THSD7B: variants seen among roughly 807,000 people sequenced by gnomAD.
THSD7B encodes the protein thrombospondin type 1 domain containing 7B, also known as thrombospondin type-1 domain-containing protein 7B.
In THSD7B, 138 loss-of-function variants were observed where a neutral mutation model predicts 213.6. That is an observed-to-expected ratio of 0.65 (90% confidence interval 0.56 to 0.74). The LOEUF is 0.74. THSD7B is among the 30% of genes least tolerant of loss of function. The pLI, the probability that THSD7B is intolerant of heterozygous loss-of-function variation, is 0.00. For missense variants in THSD7B, 1,931 were observed against 1,991.5 expected (o/e 0.97, Z 0.58); for synonymous variants, 742 against 687.0 (o/e 1.08, Z -1.25).
chr2:137,378,959 A>AT (rs1034652969), intron 12 of THSD7B, among the ~76,000 whole-genome samples: 3 of 151,986 alleles, frequency 2.0e-5, no homozygotes, highest in East Asian at 1.9e-4. Context: ...TATTTTATCC[A>AT]TTTTTTTCTG....
intron 1 of THSD7B, among the ~76,000 whole-genome samples, chr2:136,860,853 G>A (rs1434148605): frequency 6.6e-6 from 1 of 152,206 alleles, no homozygotes; most frequent in Non-Finnish European, 1.5e-5. Context: ...GACTGTAAGG[G>A]CCCTGGGCCT....
At chr2:137,557,991 T>C (rs1173391563) in intron 15 of THSD7B, among the ~76,000 whole-genome samples, 8 of 152,050 alleles carry the variant, frequency 5.3e-5, no homozygotes, top group Middle Eastern at 3.4e-3. Context: ...TGGACACATA[T>C]ACCCTCCCAA....
intron 1 of THSD7B, among the ~76,000 whole-genome samples, chr2:136,778,211 A>G (rs1681649887): frequency 6.6e-6 from 1 of 152,148 alleles, no homozygotes; most frequent in South Asian, 2.1e-4. Context: ...TCCTGCTCAA[A>G]TTCTGTCATT....
chr2:137,342,505 A>C (rs760715458), intron 12 of THSD7B, among the ~76,000 whole-genome samples: 2 of 151,424 alleles, frequency 1.3e-5, no homozygotes, highest in Admixed American at 1.3e-4. Flanking sequence ...CCTTTTATTT[A>C]TTTATCTTGC....
At chr2:137,269,054 C>T (rs1048089369) in intron 10 of THSD7B, among the ~76,000 whole-genome samples, 4 of 152,054 alleles carry the variant, frequency 2.6e-5, no homozygotes, top group Non-Finnish European at 4.4e-5. Context: ...CATACACACA[C>T]AAACACACAG....
intron 13 of THSD7B, 71 bp from the exon 14 acceptor site, chr2:137,411,537 AC>A (rs1443078933): frequency 8.0e-6 from 11 of 1,370,244 alleles, no homozygotes; most frequent in Non-Finnish European, 8.0e-6. Context: ...GATTACAAAT[AC>A]AAAAGTGTGA....
intron 1 of THSD7B, among the ~76,000 whole-genome samples, chr2:136,866,040 C>T (rs1558831004): frequency 6.6e-6 from 1 of 152,174 alleles, no homozygotes; most frequent in African/African-American, 2.4e-5. Flanking sequence ...ATGATTTGAT[C>T]AGCTTGGATG....
chr2:136,825,718 A>ATTTTTTTTTTTTTTTTTTTT lies in THSD7B; in HGVS notation c.-35-56410_-35-56409insTTTTTTTTTTTTTTTTTTTT, dbSNP rs55814718. Among the ~76,000 whole-genome samples the ATTTTTTTTTTTTTTTTTTTT allele has an allele frequency of 3.3e-4, 39 of 116,884 alleles. 3 individuals are homozygous for ATTTTTTTTTTTTTTTTTTTT. The highest frequency in any genetic ancestry group is 1.8e-3 in the East Asian group (5 of 2,730). 76.7% of individuals were successfully genotyped at this position (116,884 alleles called of 152,430 possible). ...AGGTGCTCACTGCCATGCCTGGCTA[A>ATTTTTTTTTTTTTTTTTTTT]TTTTTTTTTTTTTTTTAGATCTGGG... On this transcript the variant is annotated intron_variant, in intron 1 of 27. Coordinates refer to ENST00000409968, the MANE Select transcript of THSD7B (RefSeq NM_001316349.2).
intron 2 of THSD7B, among the ~76,000 whole-genome samples, chr2:137,047,897 T>C (rs1423158380): frequency 6.6e-6 from 1 of 152,186 alleles, no homozygotes; most frequent in Non-Finnish European, 1.5e-5. Flanking sequence ...GAAGAAGGTC[T>C]CTACAGTTTT....
rs975835858 is a variant in THSD7B, at chr2:136,866,348, T to G, written c.-35-15796T>G. ...TTGAATTTCTGAGTATTACTTCTTT[T>G]TCCCTAGCTGACAGAGGTCACGTTC... On this transcript the variant is annotated intron_variant, in intron 1 of 27. Coordinates refer to ENST00000409968, the MANE Select transcript of THSD7B (RefSeq NM_001316349.2). Among the ~76,000 whole-genome samples, 3 of 152,326 alleles carry G rather than the reference T, an allele frequency of 2.0e-5. No homozygotes were observed. The East Asian group carries it at 5.8e-4, about 29-fold the overall frequency.
At chr2:137,236,968 A>G (rs968946522) in intron 9 of THSD7B, among the ~76,000 whole-genome samples, 6 of 152,002 alleles carry the variant, frequency 3.9e-5, no homozygotes, top group Non-Finnish European at 8.8e-5. Flanking sequence ...AAAATTAGCC[A>G]GGAGTGGTGG....
chr2:137,231,084 T>C lies in THSD7B; in HGVS notation c.1764T>C (p.Pro588=), dbSNP rs1681628816. ...VSGSLCPVPP[P]PERKSCEIPC... ...GGAGTCTTTGCCCAGTTCCCCCTCC[T>C]CCTGAGAGGAAGTCTTGTGAAATTC... is the stretch of plus-strand genomic sequence containing the variant. The change falls in exon 8 of 28, where the codon CCT becomes CCC. Residue 588 remains proline, a synonymous_variant. Coordinates refer to ENST00000409968, the MANE Select transcript of THSD7B (RefSeq NM_001316349.2). The C allele has an allele frequency of 6.2e-7, 1 of 1,613,746 alleles. No individual in the cohort carries two copies. The highest frequency in any genetic ancestry group is 2.2e-5 in the East Asian group (1 of 44,872).
intron 17 of THSD7B, among the ~76,000 whole-genome samples, chr2:137,592,785 C>A (rs908567776): frequency 6.6e-6 from 1 of 151,888 alleles, no homozygotes; most frequent in African/African-American, 2.4e-5. Flanking sequence ...TCTTATATTT[C>A]TGAATAACCA....
intron 2 of THSD7B, among the ~76,000 whole-genome samples, chr2:136,915,645 G>T (rs1480302982): frequency 6.6e-6 from 1 of 152,162 alleles, no homozygotes; most frequent in Non-Finnish European, 1.5e-5. Context: ...GGTTGGTGCT[G>T]TTAGCATTTC....
chr2:137,466,998 T>C (rs1024540855), intron 15 of THSD7B, among the ~76,000 whole-genome samples: 3 of 152,034 alleles, frequency 2.0e-5, no homozygotes, highest in Non-Finnish European at 2.9e-5. Flanking sequence ...GTTCTGGGAA[T>C]CTTAAGTACA....
chr2:137,118,319 G>A (rs1227213108), intron 5 of THSD7B, among the ~76,000 whole-genome samples: 1 of 152,124 alleles, frequency 6.6e-6, no homozygotes, highest in Non-Finnish European at 1.5e-5. Context: ...TTCTCAGAAA[G>A]TAAAACATGA....
At chr2:137,165,188 G>T (rs1680100991) in intron 6 of THSD7B, among the ~76,000 whole-genome samples, 1 of 152,124 alleles carries the variant, frequency 6.6e-6, no homozygotes, top group Non-Finnish European at 1.5e-5. Flanking sequence ...CCATTCTGTG[G>T]CTGAATGGCT....
chr2:137,466,978 G>C (rs1014440977), intron 15 of THSD7B, among the ~76,000 whole-genome samples: 2 of 152,094 alleles, frequency 1.3e-5, no homozygotes, highest in Non-Finnish European at 2.9e-5. Flanking sequence ...AAGAATAAGA[G>C]AGTGTTGCTG....
intron 12 of THSD7B, among the ~76,000 whole-genome samples, chr2:137,375,214 TAAAG>T (rs1304511138): frequency 2.0e-5 from 3 of 152,110 alleles, no homozygotes; most frequent in African/African-American, 7.2e-5. Context: ...GTTCCTGACT[TAAAG>T]AAGTTATAAC....
Sources: allele counts gnomAD v4.1 joint callset (sites outside exome capture counted in the v4.1 genomes callset), GRCh38; gene constraint gnomAD v4.1.1; transcripts MANE v1.5; gene names NCBI Gene and HGNC (gene_info 2026-07-23, HGNC 2026-07-21).